THBS2: variants seen among roughly 807,000 people sequenced by gnomAD.
THBS2 encodes the protein thrombospondin-2.
Under a neutral mutation model 135.2 loss-of-function variants are expected in THBS2, and 47 were observed. The ratio of observed to expected loss-of-function variants is 0.35; its 90% CI spans 0.28 to 0.44. The LOEUF is 0.44. THBS2 is among the 20% of genes least tolerant of loss of function. The pLI, the probability that THBS2 is intolerant of heterozygous loss-of-function variation, is 1.00. For synonymous variants in THBS2, 639 were observed against 633.8 expected (o/e 1.01, Z -0.12); for missense variants, 1,288 against 1,603.1 (o/e 0.80, Z 3.36).
In THBS2 at chr6:169,220,207, C is replaced by A; in HGVS notation, c.3502G>T (p.Glu1168Ter). 6.2e-7 allele frequency: 1 copy of A among 1,613,514 alleles called. No homozygotes were observed. The highest frequency in any genetic ancestry group is 2.2e-5 in the East Asian group (1 of 44,878). The change falls in exon 21 of 22, where the codon GAA (glutamate) becomes TAA (stop). Residue 1168 changes from glutamate to a stop codon, truncating the protein, a stop_gained. Transcript: ENST00000617924. LOFTEE classifies it high-confidence loss of function. ...AAGTGCTCACACTCACCTCTGCATTCGTACTTGAGGTCTGAGAAATAGACC... is the reference window on the plus strand; with the variant it reads ...AAGTGCTCACACTCACCTCTGCATTAGTACTTGAGGTCTGAGAAATAGACC... ...EMVYFSDLKY[E>*]CRDI
At chr6:169,251,083 G>A (rs971523435) in intron 1 of THBS2, among the ~76,000 whole-genome samples, 3 of 152,134 alleles carry the variant, frequency 2.0e-5, no homozygotes, top group Admixed American at 2.0e-4. Flanking sequence ...TAGCCTGGGA[G>A]GTATGTGCTG....
At chr6:169,248,088 G>T (rs759919368) in intron 3 of THBS2, among the ~76,000 whole-genome samples, 3 of 151,892 alleles carry the variant, frequency 2.0e-5, no homozygotes, top group Admixed American at 1.3e-4. Flanking sequence ...CATGTGTGAT[G>T]TATATACATA....
In THBS2 at chr6:169,228,108, G is replaced by A. The variant is rs764344581; in HGVS notation, c.2419+14C>T. On this transcript the variant is annotated intron_variant, in intron 15 of 21. Coordinates refer to ENST00000617924, the MANE Select transcript of THBS2 (RefSeq NM_003247.5). The stretch of plus-strand genomic sequence containing the variant: ...AAAAAAAGTGCACGCATGGGAAGGA[G>A]CAGAAGCACCCACCGTCCCCATCAA... 1.2e-5 allele frequency: 19 copies of A among 1,597,562 alleles called. No individual in the cohort carries two copies. The highest frequency in any genetic ancestry group is 9.1e-5 in the South Asian group (8 of 87,438).
Position 169,234,724 on chromosome 6 carries a change from C to T in THBS2, c.1651+10G>A, listed in dbSNP as rs545762414. On this transcript the variant is annotated intron_variant, in intron 10 of 21. Coordinates refer to ENST00000617924, the MANE Select transcript of THBS2 (RefSeq NM_003247.5). ...GGGTTTCAGTGCCCCCGCTTCTACCCCTCACTCACCCACGGGGCAGCTCCT... is the reference window on the plus strand; with the variant it reads ...GGGTTTCAGTGCCCCCGCTTCTACCTCTCACTCACCCACGGGGCAGCTCCT... 2.6e-6 allele frequency: 4 copies of T among 1,551,872 alleles called. No homozygotes were observed. The Admixed American group carries it at 5.6e-5, about 22-fold the overall frequency.
chr6:169,239,543 A>T, intron 7 of THBS2, 56 bp downstream of exon 7: 1 of 1,485,258 alleles, frequency 6.7e-7, no homozygotes, highest in South Asian at 1.2e-5. Flanking sequence ...TAAATAAACA[A>T]ACAAGCATGG....
At chr6:169,221,916 A>G (rs1779444018) in intron 19 of THBS2, among the ~76,000 whole-genome samples, 1 of 152,192 alleles carries the variant, frequency 6.6e-6, no homozygotes, top group Non-Finnish European at 1.5e-5. Context: ...TATATCTTTG[A>G]TCATTATGTC....
chr6:169,222,524 G>A (rs1369497947), intron 18 of THBS2, 56 bp from the exon 19 acceptor site: 2 of 1,568,604 alleles, frequency 1.3e-6, no homozygotes. Flanking sequence ...GCCGGGAGTA[G>A]TGACTCATGC....
At position 169,237,763 on chromosome 6, in the gene THBS2, C is replaced by T; in HGVS notation, c.1162G>A (p.Ala388Thr). Residue 388 changes from alanine to threonine, a missense_variant, in exon 8 of 22, where the codon GCA becomes ACA. This residue lies in a region of THBS2 where 874 missense variants were observed against 1,156.1 expected (regional missense o/e 0.76). Transcript: ENST00000617924. ...VDGEEGWSPW[A>T]EWTQCSVTCG... The stretch of plus-strand genomic sequence containing the variant: ...GTCACGGAGCACTGGGTCCACTCTG[C>T]CCACGGAGACCAGCCCTCCTCACCG... 6.2e-7 allele frequency: 1 copy of T among 1,611,404 alleles called. No homozygotes were observed. Among genetic ancestry groups the T allele is most frequent in the Non-Finnish European group, 8.5e-7 (1 of 1,179,896 alleles).
intron 13 of THBS2, 47 bp from the exon 14 acceptor site, chr6:169,229,726 G>T (rs201232461): frequency 4.0e-6 from 6 of 1,492,090 alleles, no homozygotes; most frequent in Non-Finnish European, 5.6e-6. Flanking sequence ...TTAGGAAAGC[G>T]CCTCTTTCAG....
chr6:169,248,188 T>G (rs1196156874), intron 3 of THBS2, among the ~76,000 whole-genome samples: 1 of 151,768 alleles, frequency 6.6e-6, no homozygotes, highest in African/African-American at 2.4e-5. Context: ...TGTGTGTGTG[T>G]GGTGTGTGTG....
At chr6:169,230,989 T>C (rs1367039959) in intron 13 of THBS2, among the ~76,000 whole-genome samples, 1 of 152,242 alleles carries the variant, frequency 6.6e-6, no homozygotes, top group East Asian at 1.9e-4. Context: ...GGCATTTCCA[T>C]GTCTGACCTT....
At chr6:169,253,328 A>T (rs1780814257) in intron 1 of THBS2, among the ~76,000 whole-genome samples, 1 of 152,182 alleles carries the variant, frequency 6.6e-6, no homozygotes, top group South Asian at 2.1e-4. Context: ...ATATTCCGGG[A>T]GTTGTTTCTA....
In THBS2 at chr6:169,239,660, CG is replaced by C; in HGVS notation, c.1067del (p.Pro356ArgfsTer40). The C allele has an allele frequency of 6.2e-7, 1 of 1,604,434 alleles. No individual in the cohort carries two copies. ...FKTICHQITCPPATCASPSFV... is the reference protein window; with the variant it reads ...FKTICHQITCXPATCASPSFV... Reference sequence around the variant, plus strand: ...AGGATGGACTGGCGCAGGTTGCAGGCGGGCAGGTGATTTGGTGGCAAATGGT... The same window carrying C: ...AGGATGGACTGGCGCAGGTTGCAGGCGGCAGGTGATTTGGTGGCAAATGGT... On this transcript the variant is annotated frameshift_variant, in exon 7 of 22. Coordinates refer to ENST00000617924, the MANE Select transcript of THBS2 (RefSeq NM_003247.5). LOFTEE classifies it high-confidence loss of function.
chr6:169,218,595 G>C (rs1045469568), intron 21 of THBS2, among the ~76,000 whole-genome samples: 3 of 140,098 alleles, frequency 2.1e-5, no homozygotes, highest in African/African-American at 2.7e-5. Context: ...AGATGGGTGG[G>C]TGTGTGGGTG....
chr6:169,237,120 G>A (rs1370025198), intron 9 of THBS2, 50 bp downstream of exon 9: 4 of 1,558,064 alleles, frequency 2.6e-6, no homozygotes, highest in Non-Finnish European at 3.5e-6. Flanking sequence ...TGCTCACTGT[G>A]AGCTGCCTGC....
At position 169,232,706 on chromosome 6, in the gene THBS2, C is replaced by T. The variant is rs2114996158; in HGVS notation, c.1890G>A (p.Gln630=). 3 of 1,613,570 alleles carry T rather than the reference C, an allele frequency of 1.9e-6. No individual in the cohort carries two copies. In the South Asian group the frequency reaches 3.3e-5, roughly 18 times the overall value. The change falls in exon 12 of 22, where the codon CAG becomes CAA. Residue 630 remains glutamine (Q), a synonymous_variant. Coordinates refer to ENST00000617924, the MANE Select transcript of THBS2 (RefSeq NM_003247.5). ...CTGCTTCCAGGCCGACCCCGACGGG[C>T]TGGTTCCCTCTGTATCGGGGCGGGC... ...LPCPPRYRGN[Q]PVGVGLEAAK...
chr6:169,251,319 TA>T (rs35906434), intron 1 of THBS2, among the ~76,000 whole-genome samples: 2 of 152,122 alleles, frequency 1.3e-5, no homozygotes, highest in African/African-American at 4.8e-5. Context: ...ATATCAACTG[TA>T]AAAAAAAGTT....
intron 20 of THBS2, among the ~76,000 whole-genome samples, chr6:169,220,614 C>T (rs1779389345): frequency 6.6e-6 from 1 of 152,168 alleles, no homozygotes; most frequent in African/African-American, 2.4e-5. Flanking sequence ...AGAGGAGACT[C>T]TACCTTTGGT....
At chr6:169,220,131 C>T in intron 21 of THBS2, 67 bp downstream of exon 21, 5 of 1,559,010 alleles carry the variant, frequency 3.2e-6, no homozygotes, top group East Asian at 2.3e-5. Context: ...GAAGAGCGCA[C>T]TGTGTACCCC....
Sources: gnomAD v4.1 joint callset for allele counts (sites outside exome capture counted in the v4.1 genomes callset) on GRCh38, gnomAD v4.1.1 for gene constraint, gnomAD v4.1.1 regional missense constraint, MANE v1.5 for transcripts, NCBI Gene and HGNC (gene_info 2026-07-23, HGNC 2026-07-21) for gene names.